SLC35F5: variants seen among roughly 807,000 people sequenced by gnomAD.
SLC35F5 encodes solute carrier family 35 member F5, also known as HCV NS5A-transactivated protein 3.
Under a neutral mutation model 68.6 loss-of-function variants are expected in SLC35F5, and 54 were observed. That is an observed-to-expected ratio of 0.79 (90% CI 0.63 to 0.99). The LOEUF (loss-of-function observed/expected upper bound fraction) is 0.99, where lower values mean the gene tolerates loss of function less well. SLC35F5 is among the 50% of genes least tolerant of loss of function. The probability of loss-of-function intolerance (pLI) is 0.00; values close to 1 mark genes in which losing one functional copy is unlikely to be tolerated. For synonymous variants in SLC35F5, 211 were observed against 205.2 expected (o/e 1.03, Z -0.24); for missense variants, 567 against 626.9 (o/e 0.90, Z 1.02).
intron 11 of SLC35F5, among the ~76,000 whole-genome samples, chr2:113,727,549 C>T (rs17632109): frequency 0.057 from 8,681 of 152,190 alleles, 341 homozygotes; most frequent in South Asian, 0.13. Flanking sequence ...ACAAAAGTCC[C>T]AATGACCCCA....
chr2:113,743,903 T>A, intron 5 of SLC35F5, 109 bp from the exon 6 acceptor site: 1 of 814,732 alleles, frequency 1.2e-6, no homozygotes, highest in Non-Finnish European at 1.8e-6. Context: ...ACGTGGTTGT[T>A]CACCACCAAG....
rs1014012424 is a variant in SLC35F5, at chr2:113,751,286, AC to A, written c.274-719del. Among the ~76,000 whole-genome samples, 117 of 152,324 alleles carry A rather than the reference AC, an allele frequency of 7.7e-4. 1 individual carries two copies. Among genetic ancestry groups the A allele is most frequent in the African/African-American group, 2.6e-3 (110 of 41,570 alleles). On this transcript the variant is annotated intron_variant, in intron 3 of 15. Coordinates refer to ENST00000245680, the MANE Select transcript of SLC35F5 (RefSeq NM_025181.5). ...AGACGGGTTCAGGATGCCACGGAGCACCAAAAGGAGACTGACAAATTTCAAG... is the reference window on the plus strand; with the variant it reads ...AGACGGGTTCAGGATGCCACGGAGCACAAAAGGAGACTGACAAATTTCAAG...
chr2:113,734,095 C>T (rs974204787), intron 9 of SLC35F5, among the ~76,000 whole-genome samples: 1 of 152,174 alleles, frequency 6.6e-6, no homozygotes, highest in Non-Finnish European at 1.5e-5. Flanking sequence ...TAGTTATCAG[C>T]AACACTCATA....
chr2:113,710,961 C>T lies in SLC35F5; in HGVS notation c.*4257G>A, dbSNP rs1048380852. On this transcript the variant is annotated 3_prime_UTR_variant, in exon 16 of 16. Coordinates refer to ENST00000245680, the MANE Select transcript of SLC35F5 (RefSeq NM_025181.5). The stretch of plus-strand genomic sequence containing the variant: ...GAAATACTGAATGCCTAGCATACAA[C>T]GATCTAAGTGAAAGTTAATAAAAGT... Among the ~76,000 whole-genome samples, 3 of 152,134 alleles carry T rather than the reference C, an allele frequency of 2.0e-5. No individual in the cohort carries two copies. The highest frequency in any genetic ancestry group is 1.9e-4 in the East Asian group (1 of 5,200).
chr2:113,712,428 T>C lies in SLC35F5; in HGVS notation c.*2790A>G, dbSNP rs1259683099. Among the ~76,000 whole-genome samples the C allele has an allele frequency of 2.6e-5, 4 of 152,194 alleles. No homozygotes were observed. Among genetic ancestry groups the C allele is most frequent in the South Asian group, 2.1e-4 (1 of 4,828 alleles). ...GCCTCCCGGGTTCACGCCATTCTGCTGCCTCAGCCTCCCGAGCAGCTGGGA... is the reference window on the plus strand; with the variant it reads ...GCCTCCCGGGTTCACGCCATTCTGCCGCCTCAGCCTCCCGAGCAGCTGGGA... On this transcript the variant is annotated 3_prime_UTR_variant, in exon 16 of 16. Transcript: ENST00000245680.
At chr2:113,748,052 A>G (rs1676582307) in intron 4 of SLC35F5, among the ~76,000 whole-genome samples, 1 of 152,240 alleles carries the variant, frequency 6.6e-6, no homozygotes, top group Admixed American at 6.5e-5. Flanking sequence ...AGATCGCGCC[A>G]CTGCACTCTA....
At chr2:113,752,045 G>C (rs1261114883) in intron 3 of SLC35F5, among the ~76,000 whole-genome samples, 2 of 151,766 alleles carry the variant, frequency 1.3e-5, no homozygotes, top group African/African-American at 4.8e-5. Context: ...AACCCAGTCT[G>C]TACTAAAAAT....
In SLC35F5 at chr2:113,755,452, ACCTTGTCTT is replaced by A. The variant is rs1011799484; in HGVS notation, c.124_131+1del. 1 of 1,614,016 alleles carries A rather than the reference ACCTTGTCTT, an allele frequency of 6.2e-7. No homozygotes were observed. Among genetic ancestry groups the A allele is most frequent in the Non-Finnish European group, 8.5e-7 (1 of 1,179,876 alleles). ...TACATAGAGGATAAACGTGGAATCT[ACCTTGTCTT>A]AAGAGCCCTTCTGAGATCCTCAAGA... is the stretch of plus-strand genomic sequence containing the variant. On this transcript the variant is annotated splice_donor_variant and coding_sequence_variant, in exon 2 of 16. Coordinates refer to ENST00000245680, the MANE Select transcript of SLC35F5 (RefSeq NM_025181.5). LOFTEE classifies it high-confidence loss of function.
At chr2:113,719,478 G>C (rs1687339095) in intron 13 of SLC35F5, 170 bp from the exon 14 acceptor site, 2 of 524,706 alleles carry the variant, frequency 3.8e-6, no homozygotes, top group African/African-American at 4.0e-5. Context: ...AAGAATTCAA[G>C]ACTTCAACTT....
chr2:113,729,780 A>G (rs1487223475), intron 10 of SLC35F5, among the ~76,000 whole-genome samples: 1 of 122,546 alleles, frequency 8.2e-6, no homozygotes, highest in African/African-American at 2.7e-5. Flanking sequence ...TATACATATT[A>G]TAATAATACA....
chr2:113,733,485 A>C (rs191670011), intron 9 of SLC35F5: 2 of 241,876 alleles, frequency 8.3e-6, no homozygotes, highest in Non-Finnish European at 1.8e-5. Flanking sequence ...TTACTTCTCC[A>C]ATACAAACAT....
downstream of SLC35F5, chr2:113,704,007 T>G (rs940130196): frequency 6.5e-6 from 1 of 152,744 alleles, no homozygotes; most frequent in African/African-American, 2.4e-5. Flanking sequence ...TTCCTTCTGG[T>G]GGGTTCGTGG....
rs1213634588 is a variant in SLC35F5, at chr2:113,710,150, G to A, written c.*5068C>T. Among the ~76,000 whole-genome samples, 1 of 152,152 alleles carries A rather than the reference G, an allele frequency of 6.6e-6. No homozygotes were observed. The highest frequency in any genetic ancestry group is 1.5e-5 in the Non-Finnish European group (1 of 68,044). On this transcript the variant is annotated 3_prime_UTR_variant, in exon 16 of 16. Coordinates refer to ENST00000245680, the MANE Select transcript of SLC35F5 (RefSeq NM_025181.5). ...TAATGTGTATTCAACAAGGCCTTCA[G>A]GTGATGCTGATGCTGTCTGAAAGCC...
intron 3 of SLC35F5, 53 bp downstream of exon 3, chr2:113,755,112 G>A (rs2104497658): frequency 1.3e-6 from 2 of 1,573,842 alleles, no homozygotes; most frequent in Non-Finnish European, 1.7e-6. Flanking sequence ...TACAGGTTAA[G>A]AGTTAACATT....
chr2:113,730,639 G>T (rs1013431600), intron 10 of SLC35F5, among the ~76,000 whole-genome samples: 1 of 152,166 alleles, frequency 6.6e-6, no homozygotes, highest in African/African-American at 2.4e-5. Flanking sequence ...TCACTATGCT[G>T]CCCAGGCTGG....
downstream of SLC35F5, among the ~76,000 whole-genome samples, chr2:113,703,162 TTCTC>T (rs142671681): frequency 0.013 from 1,881 of 147,236 alleles, 44 homozygotes; most frequent in African/African-American, 0.042. Context: ...ATGAATCTCT[TTCTC>T]TCTCTCTCTC....
At chr2:113,736,706 T>C (rs1413360608) in intron 7 of SLC35F5, among the ~76,000 whole-genome samples, 1 of 152,224 alleles carries the variant, frequency 6.6e-6, no homozygotes, top group Non-Finnish European at 1.5e-5. Flanking sequence ...TGATTGCTTT[T>C]CTGAATCTCA....
intron 3 of SLC35F5, among the ~76,000 whole-genome samples, chr2:113,754,157 G>A (rs1676869430): frequency 6.6e-6 from 1 of 151,998 alleles, no homozygotes; most frequent in African/African-American, 2.4e-5. Context: ...TGGCGTGGTG[G>A]GGTGTGCCTG....
At chr2:113,743,011 G>A in intron 6 of SLC35F5, 132 bp from the exon 7 acceptor site, 17 of 789,090 alleles carry the variant, frequency 2.2e-5, no homozygotes, top group Middle Eastern at 2.6e-4. Flanking sequence ...ACCAAAAAGA[G>A]GTATATCATT....
Sources: allele counts gnomAD v4.1 joint callset (sites outside exome capture counted in the v4.1 genomes callset), GRCh38; gene constraint gnomAD v4.1.1; transcripts MANE v1.5; gene names NCBI Gene and HGNC (gene_info 2026-07-23, HGNC 2026-07-21).